The following ARNT2 variants were observed in gnomAD, a reference collection of about 807,000 sequenced individuals.
ARNT2 encodes the protein ARNT protein 2.
In ARNT2, 36 loss-of-function variants were observed where a neutral mutation model predicts 91.7. The ratio of observed to expected loss-of-function variants is 0.39; its 90% CI spans 0.30 to 0.52. The LOEUF (loss-of-function observed/expected upper bound fraction) is 0.52. Among genes scored for constraint, ARNT2 ranks in the 20% least tolerant of loss-of-function variants. The probability of loss-of-function intolerance (pLI) is 0.72; values close to 1 mark genes in which losing one functional copy is unlikely to be tolerated. For synonymous variants in ARNT2, 365 were observed against 347.1 expected (o/e 1.05, Z -0.57); for missense variants, 775 against 939.3 (o/e 0.83, Z 2.29).
intron 1 of ARNT2, among the ~76,000 whole-genome samples, chr15:80,407,725 G>T (rs571603267): frequency 8.5e-5 from 13 of 152,272 alleles, no homozygotes; most frequent in African/African-American, 3.1e-4. Context: ...GTGTGTGTGT[G>T]TGTGTTGTTT....
intron 4 of ARNT2, among the ~76,000 whole-genome samples, chr15:80,474,005 G>T (rs1896766981): frequency 6.6e-6 from 1 of 152,180 alleles, no homozygotes; most frequent in Admixed American, 6.5e-5. Context: ...TGGTTGGAAG[G>T]GTGGCCATGG....
chr15:80,593,965 C>G lies in ARNT2; in HGVS notation c.*267C>G. The G allele has an allele frequency of 2.3e-6, 1 of 432,174 alleles. No individual in the cohort carries two copies. Among genetic ancestry groups the G allele is most frequent in the Non-Finnish European group, 4.1e-6 (1 of 241,062 alleles). The allele number at this position is 432,174 out of a possible 1,614,324, so 26.8% of individuals were successfully genotyped here. A position where few individuals can be genotyped will look rare whatever the true frequency, so the allele number is the denominator to read the frequency against. On this transcript the variant is annotated 3_prime_UTR_variant, in exon 19 of 19. Transcript: ENST00000303329. ...ATCTGTGTGTGCTCAGGAGGTGAGCCTAGTGGGTCCTTAAGTTTGGTTGTG... is the reference window on the plus strand; with the variant it reads ...ATCTGTGTGTGCTCAGGAGGTGAGCGTAGTGGGTCCTTAAGTTTGGTTGTG...
chr15:80,430,226 C>T (rs1299860539), intron 1 of ARNT2, among the ~76,000 whole-genome samples: 1 of 152,160 alleles, frequency 6.6e-6, no homozygotes, highest in Non-Finnish European at 1.5e-5. Context: ...ATGCAACAGG[C>T]ATGTGGCTGT....
In ARNT2 at chr15:80,404,475, C is replaced by G; in HGVS notation, c.-41C>G. ...AGCGCCGGGCTCCGCGCCGCCCCTC[C>G]CGCGCCCCTGCCAAGCGGGCGCCTA... On this transcript the variant is annotated 5_prime_UTR_variant, in exon 1 of 19. Transcript: ENST00000303329. This position sits in a 1 kb window ranked among gnomAD's most constrained non-coding sequence, Gnocchi z 5.5. 1.6e-6 allele frequency: 2 copies of G among 1,214,240 alleles called. No homozygotes were observed. The highest frequency in any genetic ancestry group is 2.1e-6 in the Non-Finnish European group (2 of 957,418). The allele number at this position is 1,214,240 out of a possible 1,614,324, so 75.2% of individuals were successfully genotyped here.
At chr15:80,528,901 A>T (rs1467980613) in intron 8 of ARNT2, among the ~76,000 whole-genome samples, 1 of 152,194 alleles carries the variant, frequency 6.6e-6, no homozygotes, top group African/African-American at 2.4e-5. Flanking sequence ...ACAGACTAAG[A>T]CACAAATCTT....
chr15:80,549,382 A>C (rs1898044046), intron 8 of ARNT2, among the ~76,000 whole-genome samples: 1 of 152,178 alleles, frequency 6.6e-6, no homozygotes, highest in Non-Finnish European at 1.5e-5. Context: ...TTACCACATA[A>C]AATTTTTGAA....
chr15:80,562,769 G>A (rs752905841), intron 11 of ARNT2: 10 of 329,626 alleles, frequency 3.0e-5, no homozygotes, highest in Admixed American at 4.5e-5. Context: ...AAAGAAAAAC[G>A]CTCTGGCTTG....
chr15:80,511,104 T>C (rs1015995197), intron 6 of ARNT2, among the ~76,000 whole-genome samples: 6 of 152,000 alleles, frequency 3.9e-5, no homozygotes, highest in Non-Finnish European at 8.8e-5. Context: ...CTATTCACAA[T>C]AGCAAAGACA....
intron 5 of ARNT2, among the ~76,000 whole-genome samples, chr15:80,499,005 A>G (rs1393759107): frequency 6.6e-6 from 1 of 152,180 alleles, no homozygotes; most frequent in African/African-American, 2.4e-5. Context: ...GACAACCGTA[A>G]CTGGTTACTT....
intron 8 of ARNT2, among the ~76,000 whole-genome samples, chr15:80,519,643 C>T (rs1207439167): frequency 6.7e-6 from 1 of 148,892 alleles, no homozygotes; most frequent in Non-Finnish European, 1.5e-5. Flanking sequence ...TTGGGGCCTA[C>T]AAGGAATTTC....
intron 3 of ARNT2, among the ~76,000 whole-genome samples, chr15:80,465,970 G>C (rs1896646269): frequency 6.6e-6 from 1 of 152,184 alleles, no homozygotes; most frequent in African/African-American, 2.4e-5. Context: ...TCTCTGTCCT[G>C]TCCAGCACCC....
At chr15:80,501,673 C>T (rs1328701402) in intron 5 of ARNT2, among the ~76,000 whole-genome samples, 1 of 152,198 alleles carries the variant, frequency 6.6e-6, no homozygotes. Flanking sequence ...TCCCTGCCTG[C>T]GGCTCTCTGT....
At chr15:80,580,712 C>A in intron 16 of ARNT2, 163 bp downstream of exon 16, 1 of 922,790 alleles carries the variant, frequency 1.1e-6, no homozygotes, top group Non-Finnish European at 1.6e-6. Context: ...ACCCTCAGGG[C>A]TCTCGGAGAG....
intron 14 of ARNT2, 69 bp from the exon 15 acceptor site, chr15:80,576,797 G>C: frequency 6.5e-7 from 1 of 1,546,410 alleles, no homozygotes; most frequent in Non-Finnish European, 8.9e-7. Context: ...ACCTCTTCTT[G>C]GGGCAGCCTC....
intron 11 of ARNT2, chr15:80,562,750 C>T (rs1236513362): frequency 1.6e-5 from 5 of 303,674 alleles, no homozygotes; most frequent in Non-Finnish European, 3.1e-5. Context: ...ACCCTAGCAA[C>T]CGAGGCAAAA....
At position 80,553,901 on chromosome 15, in the gene ARNT2, G is replaced by A. The variant is rs747588695; in HGVS notation, c.1089+1127G>A. On this transcript the variant is annotated intron_variant, in intron 10 of 18. Transcript: ENST00000303329. ...GATTCATATAAACCTCGAGATTCTT[G>A]GATGAAATAAAGGGAGAAATTGATT... is the stretch of plus-strand genomic sequence containing the variant. 1.8e-4 allele frequency among the ~76,000 whole-genome samples: 28 copies of A among 152,144 alleles called. 1 individual carries two copies. The South Asian group carries it at 4.6e-3, about 25-fold the overall frequency.
intron 1 of ARNT2, among the ~76,000 whole-genome samples, chr15:80,438,941 G>A (rs1418656384): frequency 6.6e-6 from 1 of 152,070 alleles, no homozygotes; most frequent in African/African-American, 2.4e-5. Context: ...CGCCCATCTC[G>A]GCCTCCCAAA....
chr15:80,440,303 A>C (rs1220925729), intron 1 of ARNT2, among the ~76,000 whole-genome samples: 1 of 152,168 alleles, frequency 6.6e-6, no homozygotes, highest in Non-Finnish European at 1.5e-5. Flanking sequence ...GGGCAGGTTG[A>C]ATGGGTCACT....
rs1595973279 is a variant in ARNT2 at position 80,462,342 on chromosome 15, C to G, written c.194+4366C>G. Among the ~76,000 whole-genome samples the G allele has an allele frequency of 1.3e-5, 2 of 152,260 alleles. 1 individual carries two copies. Among genetic ancestry groups the G allele is most frequent in the South Asian group, 4.1e-4 (2 of 4,824 alleles). Reference sequence around the variant, plus strand: ...ATCCCAGAGCTGTCATCAACAGAGTCAAAATTATACACCGTGCTCATCGTG... The same window carrying G: ...ATCCCAGAGCTGTCATCAACAGAGTGAAAATTATACACCGTGCTCATCGTG... On this transcript the variant is annotated intron_variant, in intron 3 of 18. Coordinates refer to ENST00000303329, the MANE Select transcript of ARNT2 (RefSeq NM_014862.4).
Sources: gnomAD v4.1 joint callset for allele counts (sites outside exome capture counted in the v4.1 genomes callset) on GRCh38, gnomAD v4.1.1 for gene constraint, Gnocchi (gnomAD v3.1) non-coding constraint, MANE v1.5 for transcripts, NCBI Gene and HGNC (gene_info 2026-07-23, HGNC 2026-07-21) for gene names.